PDE4D: variants seen among roughly 807,000 people sequenced by gnomAD.
PDE4D encodes phosphodiesterase 4D.
PDE4D carries 24 observed loss-of-function variants against 87.4 expected under a neutral mutation model. The ratio of observed to expected loss-of-function variants is 0.27; its 90% confidence interval spans 0.20 to 0.39. PDE4D has a LOEUF of 0.39. PDE4D is among the 10% of genes least tolerant of loss of function. PDE4D has a pLI of 1.00. For synonymous variants in PDE4D, 384 were observed against 383.2 expected, an observed-to-expected ratio of 1.00 and a Z score of -0.02; for missense variants, 714 against 1,041.0, an observed-to-expected ratio of 0.69 and a Z score of 4.32.
chr5:59,566,996 T>C (rs1333106913), intron 1 of PDE4D, among the ~76,000 whole-genome samples: 1 of 152,230 alleles, frequency 6.6e-6, no homozygotes, highest in Non-Finnish European at 1.5e-5. Flanking sequence ...GACTGTGTTC[T>C]TGGGCTCTCC....
intron 3 of PDE4D, among the ~76,000 whole-genome samples, chr5:59,953,229 T>C (rs931849236): frequency 6.6e-6 from 1 of 152,150 alleles, no homozygotes; most frequent in Non-Finnish European, 1.5e-5. Flanking sequence ...GGTTTCATGT[T>C]TATGTGAGAA....
intron 1 of PDE4D, among the ~76,000 whole-genome samples, chr5:59,361,509 T>C (rs968411231): frequency 1.1e-4 from 17 of 152,194 alleles, no homozygotes; most frequent in Admixed American, 1.1e-3. Flanking sequence ...AAAATCCTAC[T>C]TAGCTATTGA....
At chr5:58,994,963 C>A (rs1049759174) in intron 6 of PDE4D, among the ~76,000 whole-genome samples, 2 of 129,972 alleles carry the variant, frequency 1.5e-5, no homozygotes, top group African/African-American at 5.8e-5. Context: ...CCTTCCTGTG[C>A]CCAAGTGTTC....
At chr5:60,398,512 A>C (rs1041644351) in intron 1 of PDE4D, among the ~76,000 whole-genome samples, 2 of 152,138 alleles carry the variant, frequency 1.3e-5, no homozygotes, top group African/African-American at 4.8e-5. Context: ...AGTTCTCAAG[A>C]GAGTTACTGT....
intron 1 of PDE4D, among the ~76,000 whole-genome samples, chr5:60,419,392 ACATCATGC>A (rs1742898613): frequency 6.6e-6 from 1 of 152,090 alleles, no homozygotes; most frequent in African/African-American, 2.4e-5. Context: ...TAAAGTATGC[ACATCATGC>A]TATCATTTAT....
At chr5:60,093,077 TGTGTA>T (rs1775304847) in intron 2 of PDE4D, among the ~76,000 whole-genome samples, 1 of 152,202 alleles carries the variant, frequency 6.6e-6, no homozygotes, top group Non-Finnish European at 1.5e-5. Context: ...GTGAGGTAAG[TGTGTA>T]AATTACAGAT....
At chr5:60,310,420 T>C (rs16877898) in intron 1 of PDE4D, among the ~76,000 whole-genome samples, 4,798 of 152,304 alleles carry the variant, frequency 0.032, 134 homozygotes, top group East Asian at 0.13. Flanking sequence ...AGTGTCTCAC[T>C]TGGAGAAGGG....
At chr5:59,326,922 A>T (rs191509142) in intron 1 of PDE4D, among the ~76,000 whole-genome samples, 26 of 152,278 alleles carry the variant, frequency 1.7e-4, no homozygotes, top group Admixed American at 6.5e-4. Flanking sequence ...AGAGAATACA[A>T]TTCATGTAAT....
In PDE4D at chr5:58,973,919, G is replaced by C. The variant is rs1394271838; in HGVS notation, c.*745C>G. On this transcript the variant is annotated 3_prime_UTR_variant, in exon 15 of 15. Coordinates refer to ENST00000340635, the MANE Select transcript of PDE4D (RefSeq NM_001104631.2). ...AATTGCTATGAACTATAAGGTGCAAGTAAAATTCATAAATTAGATTTTTAT... is the reference window on the plus strand; with the variant it reads ...AATTGCTATGAACTATAAGGTGCAACTAAAATTCATAAATTAGATTTTTAT... The C allele has an allele frequency of 6.5e-6, 1 of 152,712 alleles. No homozygotes were observed. Among genetic ancestry groups the C allele is most frequent in the East Asian group, 1.9e-4 (1 of 5,184 alleles). 9.5% of individuals were successfully genotyped at this position (152,712 alleles called of 1,614,324 possible).
chr5:60,317,671 G>T (rs1315537022), intron 1 of PDE4D, among the ~76,000 whole-genome samples: 1 of 152,166 alleles, frequency 6.6e-6, no homozygotes, highest in Admixed American at 6.5e-5. Context: ...GTATCCCAGA[G>T]ATTCTGGTAT....
chr5:60,178,338 C>G (rs1784105821), intron 2 of PDE4D, among the ~76,000 whole-genome samples: 1 of 152,040 alleles, frequency 6.6e-6, no homozygotes, highest in Non-Finnish European at 1.5e-5. Context: ...ACAATACTAC[C>G]CACTCAAGGA....
intron 1 of PDE4D, among the ~76,000 whole-genome samples, chr5:59,849,106 T>A (rs1744301029): frequency 2.6e-5 from 4 of 152,022 alleles, no homozygotes; most frequent in Admixed American, 2.6e-4. Context: ...CTGTTTAAAA[T>A]CTAAAATGTA....
chr5:60,065,224 T>A (rs943821207), intron 2 of PDE4D, among the ~76,000 whole-genome samples: 1 of 151,928 alleles, frequency 6.6e-6, no homozygotes, highest in Non-Finnish European at 1.5e-5. Flanking sequence ...TTTAATCAGA[T>A]TCCTTAGTAG....
At chr5:59,711,597 T>G (rs1356450272) in intron 1 of PDE4D, among the ~76,000 whole-genome samples, 1 of 152,146 alleles carries the variant, frequency 6.6e-6, no homozygotes, top group Non-Finnish European at 1.5e-5. Context: ...ACAATCAAAA[T>G]GGATTGTTCA....
At chr5:59,419,463 T>A (rs1377473343) in intron 1 of PDE4D, among the ~76,000 whole-genome samples, 3 of 152,356 alleles carry the variant, frequency 2.0e-5, no homozygotes, top group Middle Eastern at 3.4e-3. Flanking sequence ...TGGACAGTTA[T>A]TTATGTTTAG....
chr5:59,768,768 C>A, intron 1 of PDE4D: 3 of 788,112 alleles, frequency 3.8e-6, no homozygotes, highest in Non-Finnish European at 3.7e-6. Context: ...AGCAAATGAA[C>A]AAGGAGGGAA....
intron 1 of PDE4D, among the ~76,000 whole-genome samples, chr5:60,306,084 TA>T: frequency 6.6e-6 from 1 of 152,018 alleles, no homozygotes; most frequent in Non-Finnish European, 1.5e-5. Flanking sequence ...ATGAAAGCTA[TA>T]AAACATAGAA....
At chr5:59,804,754 T>G (rs1767552524) in intron 1 of PDE4D, among the ~76,000 whole-genome samples, 1 of 152,158 alleles carries the variant, frequency 6.6e-6, no homozygotes, top group African/African-American at 2.4e-5. Context: ...CCAATAGTGA[T>G]TATTCTGGGT....
At chr5:59,456,486 G>A (rs558789652) in intron 1 of PDE4D, among the ~76,000 whole-genome samples, 19 of 152,060 alleles carry the variant, frequency 1.2e-4, no homozygotes, top group African/African-American at 3.1e-4. Context: ...TCCCAGTCTC[G>A]GGTATTTCTT....
Sources: gnomAD v4.1 joint callset for allele counts (sites outside exome capture counted in the v4.1 genomes callset) on GRCh38, gnomAD v4.1.1 for gene constraint, MANE v1.5 for transcripts, NCBI Gene and HGNC (gene_info 2026-07-23, HGNC 2026-07-21) for gene names.